PGBD5: variants seen among roughly 807,000 people sequenced by gnomAD.
PGBD5 encodes piggyBac transposable element-derived protein 5.
Under a neutral mutation model 47.9 loss-of-function variants are expected in PGBD5, and 14 were observed. That is an observed-to-expected ratio of 0.29 (90% CI 0.19 to 0.46). PGBD5 has a LOEUF of 0.46. PGBD5 is among the 20% of genes least tolerant of loss of function. The pLI, the probability that PGBD5 is intolerant of heterozygous loss-of-function variation, is 1.00. For missense variants in PGBD5, 635 were observed against 716.0 expected (o/e 0.89, Z 1.29); for synonymous variants, 316 against 306.3 (o/e 1.03, Z -0.33).
intron 2 of PGBD5, among the ~76,000 whole-genome samples, chr1:230,353,711 G>C (rs749788836): frequency 5.9e-5 from 9 of 152,190 alleles, no homozygotes; most frequent in Admixed American, 3.3e-4. Flanking sequence ...GAAGAGAACT[G>C]TTCCAACTGG....
chr1:230,362,246 T>C, intron 1 of PGBD5: 1 of 1,360,568 alleles, frequency 7.3e-7, no homozygotes, highest in Non-Finnish European at 9.8e-7. Flanking sequence ...CTGGCTGGGA[T>C]TTAGCTTCCT....
intron 1 of PGBD5, chr1:230,377,379 C>T (rs2102723056): frequency 1.8e-6 from 2 of 1,139,456 alleles, no homozygotes; most frequent in South Asian, 1.4e-5. Flanking sequence ...CTGACATCAA[C>T]ACGTGATAAA....
rs1667873741 is a variant in PGBD5, at chr1:230,368,292, C to T, written c.332-10971G>A. On this transcript the variant is annotated intron_variant, in intron 1 of 6. Coordinates refer to ENST00000391860, the MANE Select transcript of PGBD5 (RefSeq NM_001258311.2). ...AATGTGTGTTGCTGAGGCCAAGTGG[C>T]CCCTCCCCAAAAAGCAACCGGGAAG... is the stretch of plus-strand genomic sequence containing the variant. 7 of 1,152,980 alleles carry T rather than the reference C, an allele frequency of 6.1e-6. No individual in the cohort carries two copies. In the South Asian group the frequency reaches 9.9e-5, roughly 16 times the overall value. 71.4% of individuals were successfully genotyped at this position (1,152,980 alleles called of 1,614,324 possible).
At chr1:230,349,275 C>T (rs1667524939) in intron 3 of PGBD5, among the ~76,000 whole-genome samples, 1 of 152,130 alleles carries the variant, frequency 6.6e-6, no homozygotes, top group Non-Finnish European at 1.5e-5. Context: ...TGACTGTAAT[C>T]TCAGCATTTT....
chr1:230,422,866 G>A (rs775105280), intron 1 of PGBD5, among the ~76,000 whole-genome samples: 1 of 151,886 alleles, frequency 6.6e-6, no homozygotes, highest in African/African-American at 2.4e-5. Context: ...CTCCCAGCTG[G>A]GCACCAAGTA....
intron 1 of PGBD5, among the ~76,000 whole-genome samples, chr1:230,387,826 A>G (rs1571852732): frequency 6.6e-6 from 1 of 152,134 alleles, no homozygotes; most frequent in South Asian, 2.1e-4. Context: ...TTGCATTCCA[A>G]AAGGTAAGGA....
intron 1 of PGBD5, among the ~76,000 whole-genome samples, chr1:230,368,311 C>A (rs563489257): frequency 1.3e-5 from 2 of 152,324 alleles, no homozygotes; most frequent in East Asian, 3.8e-4. Flanking sequence ...AAAAAGCAAC[C>A]GGGAAGAGTG....
rs570560437 is a variant in PGBD5, at chr1:230,344,234, G to A, written c.894+6724C>T. On this transcript the variant is annotated intron_variant, in intron 3 of 6. Coordinates refer to ENST00000391860, the MANE Select transcript of PGBD5 (RefSeq NM_001258311.2). ...CAGGAGGTGGAGCTTGCAGTGAGCC[G>A]AGATCACGCCACTACACTCCAGCCT... Among the ~76,000 whole-genome samples, 79 of 151,996 alleles carry A rather than the reference G, an allele frequency of 5.2e-4. No individual in the cohort carries two copies. In the Middle Eastern group the frequency reaches 0.017, roughly 33 times the overall value.
Position 230,353,426 on chromosome 1 carries a change from A to AAC in PGBD5, c.760-2336_760-2335dup, listed in dbSNP as rs924307688. Reference sequence around the variant, plus strand: ...TCTCCCCATTTTGTATTTGTGTAGAAACACACACACACACCCCAGCTGCTT... The same window carrying AAC: ...TCTCCCCATTTTGTATTTGTGTAGAAACACACACACACACACCCCAGCTGCTT... On this transcript the variant is annotated intron_variant, in intron 2 of 6. Transcript: ENST00000391860. 3.3e-4 allele frequency among the ~76,000 whole-genome samples: 50 copies of AAC among 152,000 alleles called. 1 individual carries two copies. In the Middle Eastern group the frequency reaches 0.017, roughly 52 times the overall value.
intron 1 of PGBD5, among the ~76,000 whole-genome samples, chr1:230,369,427 G>A (rs1255121216): frequency 6.6e-6 from 1 of 152,180 alleles, no homozygotes; most frequent in African/African-American, 2.4e-5. Flanking sequence ...TCCCCATCCC[G>A]GGCAGCTTGC....
At chr1:230,404,008 A>G (rs1217099545) in intron 1 of PGBD5, among the ~76,000 whole-genome samples, 1 of 152,232 alleles carries the variant, frequency 6.6e-6, no homozygotes, top group Admixed American at 6.5e-5. Flanking sequence ...TTCCCAACTA[A>G]ACAACTCTTC....
intron 5 of PGBD5, among the ~76,000 whole-genome samples, chr1:230,331,944 G>A (rs1571824961): frequency 4.0e-5 from 1 of 24,906 alleles, no homozygotes; most frequent in East Asian, 1.2e-3. Flanking sequence ...CTGGCGGGAG[G>A]TGAAGGATGG....
intron 1 of PGBD5, among the ~76,000 whole-genome samples, chr1:230,406,166 G>A (rs1390448288): frequency 6.6e-6 from 1 of 151,868 alleles, no homozygotes; most frequent in Non-Finnish European, 1.5e-5. Flanking sequence ...AAATTAGCCG[G>A]GCATGGTGGC....
chr1:230,413,273 A>G (rs1281849895), intron 1 of PGBD5, among the ~76,000 whole-genome samples: 1 of 151,906 alleles, frequency 6.6e-6, no homozygotes, highest in African/African-American at 2.4e-5. Flanking sequence ...CCGGAACCAG[A>G]CTCCCAGCTT....
intron 1 of PGBD5, among the ~76,000 whole-genome samples, chr1:230,413,320 T>C (rs1353811931): frequency 1.3e-5 from 2 of 152,084 alleles, no homozygotes; most frequent in Non-Finnish European, 2.9e-5. Flanking sequence ...GGAGATATTC[T>C]GGAGCTGTTA....
At chr1:230,418,566 G>A (rs527272700) in intron 1 of PGBD5, among the ~76,000 whole-genome samples, 10 of 152,162 alleles carry the variant, frequency 6.6e-5, no homozygotes. Context: ...GGAGTGCAGT[G>A]GTACAAACAC....
At chr1:230,362,753 C>T (rs1382062737) in intron 1 of PGBD5, among the ~76,000 whole-genome samples, 2 of 152,108 alleles carry the variant, frequency 1.3e-5, no homozygotes, top group Non-Finnish European at 2.9e-5. Flanking sequence ...ACCTGTTGAC[C>T]GTTGGATGAC....
At chr1:230,396,568 C>T (rs569995018) in intron 1 of PGBD5, among the ~76,000 whole-genome samples, 2 of 130,556 alleles carry the variant, frequency 1.5e-5, no homozygotes, top group African/African-American at 6.1e-5. Context: ...TGCCCCCCCT[C>T]CCCCTGCATT....
At chr1:230,377,686 T>C in intron 1 of PGBD5, 2 of 1,445,214 alleles carry the variant, frequency 1.4e-6, no homozygotes, top group East Asian at 5.1e-5. Context: ...CATTTCCCCA[T>C]CTGTAAAATG....
Sources: allele counts gnomAD v4.1 joint callset (sites outside exome capture counted in the v4.1 genomes callset), GRCh38; gene constraint gnomAD v4.1.1; transcripts MANE v1.5; gene names NCBI Gene and HGNC (gene_info 2026-07-23, HGNC 2026-07-21).